The following KLHDC2 variants were observed in gnomAD, a reference collection of about 807,000 sequenced individuals.
KLHDC2 encodes kelch domain-containing protein 2.
KLHDC2 carries 38 observed loss-of-function variants against 62.3 expected under a neutral mutation model. The ratio of observed to expected loss-of-function variants is 0.61; its 90% CI spans 0.47 to 0.80. The LOEUF is 0.80. Among genes scored for constraint, KLHDC2 ranks in the 30% least tolerant of loss-of-function variants. KLHDC2 has a pLI of 0.00. For synonymous variants in KLHDC2, 159 were observed against 161.0 expected, an observed-to-expected ratio of 0.99 and a Z score of 0.09; for missense variants, 430 against 495.3, an observed-to-expected ratio of 0.87 and a Z score of 1.25.
chr14:49,778,025 GTAAACATTTGCACAGAACATAC>G (rs2139797725), intron 4 of KLHDC2, 71 bp downstream of exon 4: 1 of 1,027,996 alleles, frequency 9.7e-7, no homozygotes, highest in East Asian at 2.4e-5. Flanking sequence ...TCCTTAGCCA[GTAAACATTTGCACAGAACATAC>G]CTCATAGGGC....
intron 3 of KLHDC2, among the ~76,000 whole-genome samples, chr14:49,777,631 C>T (rs541948014): frequency 1.1e-4 from 17 of 151,974 alleles, no homozygotes; most frequent in Admixed American, 2.0e-4. Flanking sequence ...ATTAGTTGAG[C>T]TAACAGCGTG....
intron 6 of KLHDC2, among the ~76,000 whole-genome samples, 162 bp downstream of exon 6, chr14:49,778,656 C>A (rs6572613): frequency 0.97 from 147,973 of 152,230 alleles, 72,074 homozygotes; most frequent in East Asian, 1. Flanking sequence ...TTTCCAAGGA[C>A]TCTAGAACTC....
intron 10 of KLHDC2, among the ~76,000 whole-genome samples, chr14:49,781,815 A>G (rs1292601964): frequency 1.3e-5 from 2 of 152,214 alleles, no homozygotes; most frequent in Admixed American, 1.3e-4. Context: ...AAACACTGAT[A>G]ATTTTCTCTT....
At position 49,782,703 on chromosome 14, in the gene KLHDC2, T is replaced by C. The variant is rs149298304; in HGVS notation, c.1097+109T>C. The C allele has an allele frequency of 3.8e-4, 515 of 1,372,966 alleles. 3 individuals carry two copies. The African/African-American group carries it at 6.8e-3, about 18-fold the overall frequency. 85.0% of individuals were successfully genotyped at this position (1,372,966 alleles called of 1,614,324 possible). A position where few individuals can be genotyped will look rare whatever the true frequency, so the allele number is the denominator to read the frequency against. On this transcript the variant is annotated intron_variant, in intron 12 of 12. Coordinates refer to ENST00000298307, the MANE Select transcript of KLHDC2 (RefSeq NM_014315.3). ...ATTATTTAAGGGCAATAAAACTTCA[T>C]TGCTATAACCAGTTCCTATGAAAAT...
In KLHDC2 at chr14:49,785,497, T is replaced by C. The variant is rs1447613594; in HGVS notation, c.*2544T>C. ...ATAGTTCCAAAGAGTTGAAGACCAA[T>C]GTTTAAATATATTCTTTACTACTTA... On this transcript the variant is annotated 3_prime_UTR_variant, in exon 13 of 13. Coordinates refer to ENST00000298307, the MANE Select transcript of KLHDC2 (RefSeq NM_014315.3). 1 of 568,280 alleles carries C rather than the reference T, an allele frequency of 1.8e-6. No homozygotes were observed. The highest frequency in any genetic ancestry group is 3.2e-6 in the Non-Finnish European group (1 of 316,548). 35.2% of individuals were successfully genotyped at this position (568,280 alleles called of 1,614,324 possible). A position where few individuals can be genotyped will look rare whatever the true frequency, so the allele number is the denominator to read the frequency against.
At chr14:49,781,074 T>A (rs1042828362) in intron 10 of KLHDC2, among the ~76,000 whole-genome samples, 3 of 152,206 alleles carry the variant, frequency 2.0e-5, no homozygotes, top group Admixed American at 6.5e-5. Context: ...CATCTAAGTT[T>A]ATTAAAAATG....
Position 49,768,528 on chromosome 14 carries a change from C to T in KLHDC2, c.60C>T (p.Ser20=). 1 of 1,611,346 alleles carries T rather than the reference C, an allele frequency of 6.2e-7. No homozygotes were observed. The highest frequency in any genetic ancestry group is 8.5e-7 in the Non-Finnish European group (1 of 1,179,070). Residue 20 remains serine (S), a synonymous_variant, in exon 1 of 13, where the codon AGC becomes AGT. Coordinates refer to ENST00000298307, the MANE Select transcript of KLHDC2 (RefSeq NM_014315.3). The stretch of plus-strand genomic sequence containing the variant: ...ACTTGCCTGGGCCAGCCTTCGAGAG[C>T]TATGAGTCCATGGAGCTTGCCTGCC... The part of the protein sequence containing the change: ...ADDLPGPAFE[S]YESMELACPA...
At chr14:49,775,272 A>G (rs538829647) in intron 3 of KLHDC2, among the ~76,000 whole-genome samples, 2 of 152,184 alleles carry the variant, frequency 1.3e-5, no homozygotes, top group Non-Finnish European at 2.9e-5. Flanking sequence ...AAATGAATCC[A>G]TAGGAGTCTA....
At chr14:49,768,649 C>A (rs1230848643) in intron 1 of KLHDC2, 28 bp downstream of exon 1, 51 of 1,548,942 alleles carry the variant, frequency 3.3e-5, no homozygotes, top group Non-Finnish European at 4.1e-5. Context: ...CCGCGACGGA[C>A]GTCGCTCGGC....
In KLHDC2 at chr14:49,784,960, T is replaced by C; in HGVS notation, c.*2007T>C. ...CGGAATAAGTCTTTTTCTCTTGCTG[T>C]TGCTTCTTTGGAATGCATGAAACTA... On this transcript the variant is annotated 3_prime_UTR_variant, in exon 13 of 13. Transcript: ENST00000298307. 6.2e-7 allele frequency: 1 copy of C among 1,613,948 alleles called. No homozygotes were observed. The highest frequency in any genetic ancestry group is 2.2e-5 in the East Asian group (1 of 44,848).
intron 3 of KLHDC2, chr14:49,774,903 C>T: frequency 2.1e-6 from 1 of 479,252 alleles, no homozygotes; most frequent in East Asian, 3.8e-5. Context: ...GCAGTAACTT[C>T]CTGGGTGGTT....
At position 49,768,763 on chromosome 14, in the gene KLHDC2, GTTGT is replaced by G. The variant is rs374272035; in HGVS notation, c.153+145_153+148del. 6.9e-5 allele frequency: 52 copies of G among 755,190 alleles called. No homozygotes were observed. The African/African-American group carries it at 9.0e-4, about 13-fold the overall frequency. 46.8% of individuals were successfully genotyped at this position (755,190 alleles called of 1,614,324 possible). On this transcript the variant is annotated intron_variant, in intron 1 of 12. Coordinates refer to ENST00000298307, the MANE Select transcript of KLHDC2 (RefSeq NM_014315.3). ...GCCCCACCTCAGACTCTGCCCGTTGGTTGTTTTTTTTTTGCGCGCGGGAATCTTC... is the reference window on the plus strand; with the variant it reads ...GCCCCACCTCAGACTCTGCCCGTTGGTTTTTTTTTGCGCGCGGGAATCTTC...
Position 49,786,335 on chromosome 14 carries a change from G to A in KLHDC2, c.*3382G>A, listed in dbSNP as rs1890177122. On this transcript the variant is annotated 3_prime_UTR_variant, in exon 13 of 13. Coordinates refer to ENST00000298307, the MANE Select transcript of KLHDC2 (RefSeq NM_014315.3). ...TTCTTATTTGCTGTGCTGCCTGTGA[G>A]ATTGCCCCCATTTATTTTACAATAT... 5.5e-6 allele frequency: 1 copy of A among 180,308 alleles called. No homozygotes were observed. The highest frequency in any genetic ancestry group is 1.2e-5 in the Non-Finnish European group (1 of 85,392). The allele number at this position is 180,308 out of a possible 1,614,324, so 11.2% of individuals were successfully genotyped here.
At chr14:49,782,127 G>A (rs1360135515) in intron 10 of KLHDC2, 6 of 457,236 alleles carry the variant, frequency 1.3e-5, no homozygotes, top group African/African-American at 2.0e-5. Flanking sequence ...AGAACAGATC[G>A]TTCAGTTCAA....
Position 49,785,438 on chromosome 14 carries a change from C to G in KLHDC2, c.*2485C>G, listed in dbSNP as rs1890124536. 4 of 697,058 alleles carry G rather than the reference C, an allele frequency of 5.7e-6. No homozygotes were observed. The highest frequency in any genetic ancestry group is 4.9e-5 in the South Asian group (3 of 60,696). 43.2% of individuals were successfully genotyped at this position (697,058 alleles called of 1,614,324 possible). A position where few individuals can be genotyped will look rare whatever the true frequency, so the allele number is the denominator to read the frequency against. On this transcript the variant is annotated 3_prime_UTR_variant, in exon 13 of 13. Transcript: ENST00000298307. ...TATCTTTTCCTGATATACATACCATCTAAGCTGGAACAGTGGTACTTAAAC... is the reference window on the plus strand; with the variant it reads ...TATCTTTTCCTGATATACATACCATGTAAGCTGGAACAGTGGTACTTAAAC...
At chr14:49,775,168 T>C (rs970522533) in intron 3 of KLHDC2, among the ~76,000 whole-genome samples, 4 of 152,216 alleles carry the variant, frequency 2.6e-5, no homozygotes, top group East Asian at 1.9e-4. Flanking sequence ...GGAAAAAATA[T>C]ATCACTTCTT....
At position 49,778,160 on chromosome 14, in the gene KLHDC2, T is replaced by C. The variant is rs778916221; in HGVS notation, c.468-18T>C. ...ATGGGTATTTGAATTTTTAGTGTCT[T>C]GGTTTTTCATCCAACAGGTTAATAT... is the stretch of plus-strand genomic sequence containing the variant. On this transcript the variant is annotated intron_variant, in intron 4 of 12. Coordinates refer to ENST00000298307, the MANE Select transcript of KLHDC2 (RefSeq NM_014315.3). 1.1e-5 allele frequency: 17 copies of C among 1,533,260 alleles called. No homozygotes were observed. The highest frequency in any genetic ancestry group is 1.4e-5 in the Non-Finnish European group (16 of 1,114,462). 95.0% of individuals were successfully genotyped at this position (1,533,260 alleles called of 1,614,324 possible).
Position 49,782,897 on chromosome 14 carries a change from C to T in KLHDC2, c.1165C>T (p.His389Tyr). Reference sequence around the variant, plus strand: ...CAACTCATGGAACTGCCTTCCAAAACACTTACTTCACAGTGTTAATCAGAG... The same window carrying T: ...CAACTCATGGAACTGCCTTCCAAAATACTTACTTCACAGTGTTAATCAGAG... The part of the protein sequence containing the change: ...LANSWNCLPK[H>Y]LLHSVNQRFG... Residue 389 changes from histidine (H) to tyrosine (Y), a missense_variant, in exon 13 of 13, where the codon CAC becomes TAC. Coordinates refer to ENST00000298307, the MANE Select transcript of KLHDC2 (RefSeq NM_014315.3). 1 of 1,613,754 alleles carries T rather than the reference C, an allele frequency of 6.2e-7. No individual in the cohort carries two copies. The highest frequency in any genetic ancestry group is 8.5e-7 in the Non-Finnish European group (1 of 1,179,724).
intron 1 of KLHDC2, among the ~76,000 whole-genome samples, chr14:49,770,354 C>G (rs1037390934): frequency 5.9e-5 from 9 of 152,176 alleles, no homozygotes; most frequent in African/African-American, 1.9e-4. Flanking sequence ...CAGTTTTCCT[C>G]CCCAGGACAG....
Sources: gnomAD v4.1 joint callset for allele counts (sites outside exome capture counted in the v4.1 genomes callset) on GRCh38, gnomAD v4.1.1 for gene constraint, MANE v1.5 for transcripts, NCBI Gene and HGNC (gene_info 2026-07-23, HGNC 2026-07-21) for gene names.